The following MOB3B variants were observed in gnomAD, a reference collection of about 807,000 sequenced individuals.
MOB3B encodes MOB kinase activator 3B, also known as MOB kinase activator-like 2B.
In MOB3B, 7 loss-of-function variants were observed where a neutral mutation model predicts 18.7. That is an observed-to-expected ratio of 0.37 (90% CI 0.21 to 0.70). MOB3B has a LOEUF of 0.70. MOB3B is among the 30% of genes least tolerant of loss of function. The pLI is 0.52. For synonymous variants in MOB3B, 111 were observed against 99.9 expected, an observed-to-expected ratio of 1.11 and a Z score of -0.66; for missense variants, 253 against 281.3, an observed-to-expected ratio of 0.90 and a Z score of 0.72.
chr9:27,337,460 C>G (rs1234332602), intron 3 of MOB3B, among the ~76,000 whole-genome samples: 1 of 152,366 alleles, frequency 6.6e-6, no homozygotes, highest in African/African-American at 2.4e-5. Flanking sequence ...TTCACGGCCC[C>G]CTCCCAACAG....
At chr9:27,420,330 A>G (rs1022445124) in intron 2 of MOB3B, among the ~76,000 whole-genome samples, 3 of 151,906 alleles carry the variant, frequency 2.0e-5, no homozygotes, top group African/African-American at 7.3e-5. Flanking sequence ...AAAAGAAGTC[A>G]TTATTCGAAA....
At chr9:27,480,604 C>T (rs1287797821) in intron 1 of MOB3B, among the ~76,000 whole-genome samples, 2 of 151,158 alleles carry the variant, frequency 1.3e-5, no homozygotes, top group Non-Finnish European at 3.0e-5. Flanking sequence ...CTGGCCCCAG[C>T]TAATTTTTGT....
intron 1 of MOB3B, among the ~76,000 whole-genome samples, chr9:27,499,409 C>T (rs1975503): frequency 0.89 from 134,824 of 152,246 alleles, 60,738 homozygotes; most frequent in East Asian, 0.99. Flanking sequence ...CAAATTACTT[C>T]TATAATAGTC....
intron 1 of MOB3B, among the ~76,000 whole-genome samples, chr9:27,524,150 T>TAAAAAAAAAA (rs3081119): frequency 1.1e-5 from 1 of 90,272 alleles, no homozygotes; most frequent in South Asian, 4.6e-4. Flanking sequence ...TCACCCGAAG[T>TAAAAAAAAAA]AAAAAAAAAA....
At chr9:27,501,888 A>C (rs1391157210) in intron 1 of MOB3B, among the ~76,000 whole-genome samples, 1 of 152,216 alleles carries the variant, frequency 6.6e-6, no homozygotes, top group African/African-American at 2.4e-5. Flanking sequence ...ACTTGACAAA[A>C]AAAAGAGAAG....
intron 3 of MOB3B, among the ~76,000 whole-genome samples, chr9:27,338,526 C>T (rs1032627892): frequency 5.3e-5 from 8 of 152,086 alleles, no homozygotes; most frequent in Admixed American, 5.2e-4. Flanking sequence ...CATCAGGCTG[C>T]TTGCTGCAGG....
chr9:27,447,256 G>A (rs956847560), intron 2 of MOB3B, among the ~76,000 whole-genome samples: 2 of 152,132 alleles, frequency 1.3e-5, no homozygotes, highest in Non-Finnish European at 2.9e-5. Flanking sequence ...CTGGTGTCAG[G>A]GCCCTGCTGA....
chr9:27,391,631 T>C (rs1821729383), intron 2 of MOB3B: 2 of 152,230 alleles, frequency 1.3e-5, no homozygotes, highest in Non-Finnish European at 2.9e-5. Flanking sequence ...TCATTCTCAA[T>C]TGACTTGCAA....
chr9:27,451,604 C>T (rs1443186832), intron 2 of MOB3B, among the ~76,000 whole-genome samples: 3 of 152,048 alleles, frequency 2.0e-5, no homozygotes, highest in Non-Finnish European at 4.4e-5. Context: ...CAGTATTTTC[C>T]GGTTCTATTT....
At chr9:27,350,563 C>A (rs1477430220) in intron 3 of MOB3B, among the ~76,000 whole-genome samples, 1 of 152,192 alleles carries the variant, frequency 6.6e-6, no homozygotes, top group Non-Finnish European at 1.5e-5. Flanking sequence ...TGGACATCAA[C>A]AAGGGATGAA....
At chr9:27,387,784 C>T (rs1022667887) in intron 2 of MOB3B, among the ~76,000 whole-genome samples, 1 of 152,042 alleles carries the variant, frequency 6.6e-6, no homozygotes, top group African/African-American at 2.4e-5. Context: ...TGAAAGTCAC[C>T]TTGAAAGACA....
At position 27,328,637 on chromosome 9, in the gene MOB3B, A is replaced by T. The variant is rs1820744047; in HGVS notation, c.*1950T>A. 1 of 152,198 alleles carries T rather than the reference A, an allele frequency of 6.6e-6. No individual in the cohort carries two copies. The highest frequency in any genetic ancestry group is 2.4e-5 in the African/African-American group (1 of 41,440). 9.4% of individuals were successfully genotyped at this position (152,198 alleles called of 1,614,324 possible). On this transcript the variant is annotated 3_prime_UTR_variant, in exon 4 of 4. Coordinates refer to ENST00000262244, the MANE Select transcript of MOB3B (RefSeq NM_024761.5). ...ATGCAGGAACATATTCAACTTTTTAATGTAAAAATCCTGTGGCGTTCCATG... is the reference window on the plus strand; with the variant it reads ...ATGCAGGAACATATTCAACTTTTTATTGTAAAAATCCTGTGGCGTTCCATG...
At chr9:27,420,548 CATATATATATAT>C (rs55684272) in intron 2 of MOB3B, among the ~76,000 whole-genome samples, 1,668 of 31,070 alleles carry the variant, frequency 0.054, 64 homozygotes, top group East Asian at 0.12. Flanking sequence ...CTGTATATTC[CATATATATATAT>C]ATATATATAT....
chr9:27,508,212 G>T (rs1820088102), intron 1 of MOB3B, among the ~76,000 whole-genome samples: 1 of 152,082 alleles, frequency 6.6e-6, no homozygotes, highest in African/African-American at 2.4e-5. Flanking sequence ...AATGCCTTTG[G>T]GCTAAAACAT....
At chr9:27,363,007 C>A (rs1196489018) in intron 2 of MOB3B, among the ~76,000 whole-genome samples, 1 of 152,190 alleles carries the variant, frequency 6.6e-6, no homozygotes, top group African/African-American at 2.4e-5. Context: ...ATGTAACTAA[C>A]CTCATGGCAG....
chr9:27,386,053 G>A (rs988044386), intron 2 of MOB3B, among the ~76,000 whole-genome samples: 1 of 152,230 alleles, frequency 6.6e-6, no homozygotes, highest in East Asian at 1.9e-4. Context: ...ACATGGACAA[G>A]CCATCCTGCT....
chr9:27,407,406 T>A (rs1247107319), intron 2 of MOB3B, among the ~76,000 whole-genome samples: 1 of 152,154 alleles, frequency 6.6e-6, no homozygotes, highest in Non-Finnish European at 1.5e-5. Flanking sequence ...GAGTCTTCCA[T>A]CAAAGGGAGA....
intron 1 of MOB3B, among the ~76,000 whole-genome samples, chr9:27,506,998 C>A (rs1293918076): frequency 1.3e-5 from 2 of 152,016 alleles, no homozygotes; most frequent in African/African-American, 4.8e-5. Context: ...TTAATCTTGA[C>A]CATAGTCTTA....
At chr9:27,341,721 G>A (rs1219409641) in intron 3 of MOB3B, among the ~76,000 whole-genome samples, 1 of 152,292 alleles carries the variant, frequency 6.6e-6, no homozygotes. Context: ...TCAGGTCTAT[G>A]GGGTGGCCAT....
Sources: allele counts gnomAD v4.1 joint callset (sites outside exome capture counted in the v4.1 genomes callset), GRCh38; gene constraint gnomAD v4.1.1; transcripts MANE v1.5; gene names NCBI Gene and HGNC (gene_info 2026-07-23, HGNC 2026-07-21).